Variants in HK3 observed in about 807,000 individuals in gnomAD.
HK3 encodes the protein hexokinase 3.
A neutral mutation model predicts 91.0 loss-of-function variants in HK3; 93 were observed. The observed-to-expected ratio is 1.02, with a 90% CI of 0.86 to 1.21. HK3 has a LOEUF of 1.21. Ranked by LOEUF, HK3 falls within the 50% of genes most tolerant of loss-of-function variation. HK3 has a pLI of 0.00. For synonymous variants in HK3, 519 were observed against 516.9 expected (o/e 1.00, Z -0.06); for missense variants, 1,235 against 1,247.4 (o/e 0.99, Z 0.15).
intron 6 of HK3, 36 bp downstream of exon 6, chr5:176,890,599 A>G (rs1758738648): frequency 6.3e-7 from 1 of 1,584,064 alleles, no homozygotes; most frequent in African/African-American, 1.3e-5. Context: ...CCAGGCCAAC[A>G]TGGGCAGCCC....
chr5:176,885,100 C>T (rs909788449), intron 13 of HK3, among the ~76,000 whole-genome samples: 28 of 152,270 alleles, frequency 1.8e-4, no homozygotes, highest in African/African-American at 6.3e-4. Context: ...AGGGGGAAGT[C>T]AGACCCAGGT....
chr5:176,883,644 G>GC (rs1353267513), intron 15 of HK3, 126 bp downstream of exon 15: 4 of 706,644 alleles, frequency 5.7e-6, no homozygotes, highest in Non-Finnish European at 9.7e-6. Context: ...TTGTTCCAGA[G>GC]CCCTACTGGG....
rs1346052452 is a variant in HK3, at chr5:176,884,634, G to A, written c.1858-500C>T. ...GTCACTCATGTGTTCCAAATGCAGGGGCAGGAGGAATGGAAAAGCCAGAAC... is the reference window on the plus strand; with the variant it reads ...GTCACTCATGTGTTCCAAATGCAGGAGCAGGAGGAATGGAAAAGCCAGAAC... On this transcript the variant is annotated intron_variant, in intron 13 of 18. Coordinates refer to ENST00000292432, the MANE Select transcript of HK3 (RefSeq NM_002115.3). This position sits in a 1 kb window ranked among gnomAD's most constrained non-coding sequence, Gnocchi z 4.1. Among the ~76,000 whole-genome samples the A allele has an allele frequency of 2.6e-5, 4 of 152,246 alleles. No homozygotes were observed. In the South Asian group the frequency reaches 8.3e-4, roughly 32 times the overall value.
intron 13 of HK3, among the ~76,000 whole-genome samples, chr5:176,886,364 G>GC (rs2149374445): frequency 1.3e-5 from 2 of 151,978 alleles, no homozygotes; most frequent in South Asian, 2.1e-4. Flanking sequence ...TGCAACTGTT[G>GC]CCTTCAGGGG....
chr5:176,887,538 G>T lies in HK3; in HGVS notation c.1513C>A (p.Arg505=), dbSNP rs781409281. 1 of 1,613,706 alleles carries T rather than the reference G, an allele frequency of 6.2e-7. No homozygotes were observed. The highest frequency in any genetic ancestry group is 8.5e-7 in the Non-Finnish European group (1 of 1,180,010). ...CGGAGCCCCTTGGCCATGGCCTTCC[G>T]CATCTGTGCCTGAACCGCAGCCAGT... is the stretch of plus-strand genomic sequence containing the variant. ...DQLAAVQAQM[R]KAMAKGLRGE... The change falls in exon 11 of 19, where the codon CGG becomes AGG. Residue 505 remains arginine (R), a synonymous_variant. Transcript: ENST00000292432. This position sits in a 1 kb window ranked among gnomAD's most constrained non-coding sequence, Gnocchi z 4.9.
rs757069026 is a variant in HK3, at chr5:176,888,424, G to A, written c.1212C>T (p.Ala404=). 41 of 1,560,638 alleles carry A rather than the reference G, an allele frequency of 2.6e-5. No individual in the cohort carries two copies. Among genetic ancestry groups the A allele is most frequent in the Middle Eastern group, 1.7e-4 (1 of 6,022 alleles). Residue 404 remains alanine (A), a synonymous_variant, in exon 10 of 19, where the codon GCC becomes GCT. Coordinates refer to ENST00000292432, the MANE Select transcript of HK3 (RefSeq NM_002115.3). ...RAAQLCAAAL[A]AVLSCLQHSR... Reference sequence around the variant, plus strand: ...TGTGCTGGAGGCAGGAGAGAACAGCGGCCAGGGCGGCAGCACAGAGCTGGG... The same window carrying A: ...TGTGCTGGAGGCAGGAGAGAACAGCAGCCAGGGCGGCAGCACAGAGCTGGG...
rs1463576120 is a variant in HK3, at chr5:176,884,159, G to A, written c.1858-25C>T. ...CCTGGGGTGAGACCGAGAGGAAGTG[G>A]CAGGAAGCTGGAGGCCCCTTCAGGC... On this transcript the variant is annotated intron_variant, in intron 13 of 18. Transcript: ENST00000292432. This position sits in a 1 kb window ranked among gnomAD's most constrained non-coding sequence, Gnocchi z 4.1. The A allele has an allele frequency of 3.8e-6, 6 of 1,599,634 alleles. No homozygotes were observed. Among genetic ancestry groups the A allele is most frequent in the Non-Finnish European group, 8.6e-7 (1 of 1,167,124 alleles).
rs1279665323 is a variant in HK3, at chr5:176,884,512, C to T, written c.1858-378G>A. On this transcript the variant is annotated intron_variant, in intron 13 of 18. Coordinates refer to ENST00000292432, the MANE Select transcript of HK3 (RefSeq NM_002115.3). This position sits in a 1 kb window ranked among gnomAD's most constrained non-coding sequence, Gnocchi z 4.1. ...GGGAGGACAGAGAAGGCTCAGAGGCCCAGATGACAGCAGATCCCACCCTTT... is the reference window on the plus strand; with the variant it reads ...GGGAGGACAGAGAAGGCTCAGAGGCTCAGATGACAGCAGATCCCACCCTTT... 2.0e-5 allele frequency among the ~76,000 whole-genome samples: 3 copies of T among 152,110 alleles called. No individual in the cohort carries two copies. Among genetic ancestry groups the T allele is most frequent in the Non-Finnish European group, 4.4e-5 (3 of 68,016 alleles).
At chr5:176,882,907 C>G (rs974146793) in intron 15 of HK3, among the ~76,000 whole-genome samples, 5 of 152,146 alleles carry the variant, frequency 3.3e-5, no homozygotes, top group Admixed American at 2.6e-4. Context: ...AGTGCCTAAC[C>G]GTGCCAGGTG....
chr5:176,889,596 G>C (rs1561682922), intron 7 of HK3, 32 bp from the exon 8 acceptor site: 2 of 1,613,930 alleles, frequency 1.2e-6, no homozygotes, highest in Non-Finnish European at 8.5e-7. Flanking sequence ...AGGCCTGCTA[G>C]CCAGGCAGCA....
At chr5:176,898,420 T>A (rs577990494) in intron 1 of HK3, among the ~76,000 whole-genome samples, 1 of 152,314 alleles carries the variant, frequency 6.6e-6, no homozygotes, top group African/African-American at 2.4e-5. Context: ...TCTTGTTCTA[T>A]GCTGCAGGTC....
rs1758623722 is a variant in HK3 at position 176,887,399 on chromosome 5, T to G, written c.1600+52A>C. 1 of 1,613,080 alleles carries G rather than the reference T, an allele frequency of 6.2e-7. No homozygotes were observed. Among genetic ancestry groups the G allele is most frequent in the Non-Finnish European group, 8.5e-7 (1 of 1,179,690 alleles). ...TTGTGGCTCCAGCCCCAGCACACAC[T>G]GGGACCCCCAGGAGCCCATGTTTCG... On this transcript the variant is annotated intron_variant, in intron 11 of 18. Coordinates refer to ENST00000292432, the MANE Select transcript of HK3 (RefSeq NM_002115.3). This position sits in a 1 kb window ranked among gnomAD's most constrained non-coding sequence, Gnocchi z 4.9.
rs779271345 is a variant in HK3, at chr5:176,883,796, G to A, written c.2027C>T (p.Pro676Leu). 1.5e-5 allele frequency: 24 copies of A among 1,613,838 alleles called. No homozygotes were observed. The Admixed American group carries it at 3.3e-4, about 22-fold the overall frequency. Reference protein sequence around the residue: ...GTMMSCGYEDPRCEIGLIVGT... With the variant: ...GTMMSCGYEDLRCEIGLIVGT... Reference sequence around the variant, plus strand: ...GACAATGAGGCCTATCTCGCAACGGGGGTCCTCATAGCCACAGGACATCAT... The same window carrying A: ...GACAATGAGGCCTATCTCGCAACGGAGGTCCTCATAGCCACAGGACATCAT... The change falls in exon 15 of 19, where the codon CCC becomes CTC. Residue 676 changes from proline to leucine, a missense_variant. Pro to Leu is a moderately conservative substitution (Grantham distance 98). Transcript: ENST00000292432.
At position 176,888,802 on chromosome 5, in the gene HK3, A is replaced by G. The variant is rs1182088222; in HGVS notation, c.977T>C (p.Leu326Ser). 1 of 1,614,190 alleles carries G rather than the reference A, an allele frequency of 6.2e-7. No homozygotes were observed. The stretch of plus-strand genomic sequence containing the variant: ...ACCAAAGAGGACCCCACACCGGGCC[A>G]AGTGAGCCAGCACCAGCCGCACCAG... Reference protein sequence around the residue: ...GELVRLVLAHLARCGVLFGGC... With the variant: ...GELVRLVLAHSARCGVLFGGC... The change falls in exon 9 of 19, where the codon TTG becomes TCG. Residue 326 changes from leucine (L) to serine (S), a missense_variant. By Grantham distance (145) the Leu-to-Ser change is moderately radical. Transcript: ENST00000292432.
intron 1 of HK3, among the ~76,000 whole-genome samples, chr5:176,897,631 T>G (rs1758938971): frequency 6.6e-6 from 1 of 152,214 alleles, no homozygotes; most frequent in East Asian, 1.9e-4. Context: ...CAGTAGTCAT[T>G]CTCTTTGCTA....
chr5:176,888,871 G>A lies in HK3; in HGVS notation c.915-7C>T, dbSNP rs539417207. The A allele has an allele frequency of 6.7e-5, 108 of 1,609,828 alleles. No homozygotes were observed. Among genetic ancestry groups the A allele is most frequent in the Non-Finnish European group, 7.7e-5 (91 of 1,177,312 alleles). ...TCCGATCATCTTCTCAAACCTGCAG[G>A]GGGGAAGGGTGGCTGGAGGAAGCCT... On this transcript the variant is annotated splice_region_variant and splice_polypyrimidine_tract_variant and intron_variant, in intron 8 of 18. Transcript: ENST00000292432.
chr5:176,880,969 A>T lies in HK3; in HGVS notation c.*104T>A. On this transcript the variant is annotated 3_prime_UTR_variant, in exon 19 of 19. Transcript: ENST00000292432. The stretch of plus-strand genomic sequence containing the variant: ...TGGCCGCAGAGGGGTCACACATGGG[A>T]TGTCCCAGGAGTCCTGGGTGGCTGG... 1.5e-6 allele frequency: 2 copies of T among 1,327,268 alleles called. No individual in the cohort carries two copies. Among genetic ancestry groups the T allele is most frequent in the Non-Finnish European group, 2.0e-6 (2 of 992,410 alleles). 82.2% of individuals were successfully genotyped at this position (1,327,268 alleles called of 1,614,324 possible).
chr5:176,891,608 C>T, intron 2 of HK3, 58 bp from the exon 3 acceptor site: 13 of 1,543,898 alleles, frequency 8.4e-6, no homozygotes, highest in Non-Finnish European at 1.1e-5. Flanking sequence ...CCAGACTCCC[C>T]ACCTCCAAAC....
rs777011491 is a variant in HK3, at chr5:176,881,754, C to T, written c.2331G>A (p.Gln777=). ...LTSLGVLFRG[Q]QIQRLQTRDI... is the part of the protein sequence containing the mutation. ...CCCTGGTCTGAAGGCGCTGGATCTG[C>T]TGGCCCCGGAAGAGAACGCCAAGGC... The change falls in exon 17 of 19, where the codon CAG becomes CAA. Residue 777 remains glutamine, a synonymous_variant. Transcript: ENST00000292432. The T allele has an allele frequency of 2.5e-6, 4 of 1,614,180 alleles. No individual in the cohort carries two copies. Among genetic ancestry groups the T allele is most frequent in the Non-Finnish European group, 2.5e-6 (3 of 1,180,036 alleles).
Sources: allele counts gnomAD v4.1 joint callset (sites outside exome capture counted in the v4.1 genomes callset), GRCh38; gene constraint gnomAD v4.1.1; non-coding constraint Gnocchi (gnomAD v3.1); transcripts MANE v1.5; gene names NCBI Gene and HGNC (gene_info 2026-07-23, HGNC 2026-07-21).